Variants in SEMA4B observed in about 807,000 individuals in gnomAD.
The protein encoded by SEMA4B is semaphorin 4B.
Under a neutral mutation model 88.1 loss-of-function variants are expected in SEMA4B, and 55 were observed. The observed-to-expected ratio is 0.62, with a 90% CI of 0.50 to 0.78. The LOEUF (loss-of-function observed/expected upper bound fraction) is 0.78. Among genes scored for constraint, SEMA4B ranks in the 30% least tolerant of loss-of-function variants. The probability of loss-of-function intolerance (pLI) is 0.00; values close to 1 mark genes in which losing one functional copy is unlikely to be tolerated. For synonymous variants in SEMA4B, 525 were observed against 473.6 expected (o/e 1.11, Z -1.41); for missense variants, 1,062 against 1,111.9 (o/e 0.96, Z 0.64).
At chr15:90,206,274 C>A (rs1190114601) in intron 1 of SEMA4B, among the ~76,000 whole-genome samples, 1 of 152,174 alleles carries the variant, frequency 6.6e-6, no homozygotes, top group Non-Finnish European at 1.5e-5. Flanking sequence ...GGGATCGGGG[C>A]AACAGGAACA....
chr15:90,224,643 G>C (rs1107461), intron 9 of SEMA4B, among the ~76,000 whole-genome samples: 16,385 of 152,252 alleles, frequency 0.11, 1,017 homozygotes, highest in Admixed American at 0.19. Context: ...TGCCCGGCCA[G>C]GGCTTCCTGA....
At chr15:90,195,324 T>C (rs1960466497) in intron 1 of SEMA4B, among the ~76,000 whole-genome samples, 1 of 152,068 alleles carries the variant, frequency 6.6e-6, no homozygotes, top group Non-Finnish European at 1.5e-5. Flanking sequence ...ACTTCTGGGC[T>C]CAAGTGATCC....
chr15:90,225,368 G>A lies in SEMA4B; in HGVS notation c.1492G>A (p.Val498Met), dbSNP rs372649392. ...ELQIFSSGQP[V>M]QNLLLDTHRG... The stretch of plus-strand genomic sequence containing the variant: ...GCAGATCTTCTCATCGGGACAGCCC[G>A]TGCAGAATCTGCTCCTGGACACCCA... The change falls in exon 11 of 14, where the codon GTG becomes ATG. Residue 498 changes from valine (V) to methionine (M), a missense_variant. Physicochemically the swap from Val to Met is conservative, Grantham distance 21 (BLOSUM62 1). Transcript: ENST00000411539. 36 of 1,553,036 alleles carry A rather than the reference G, an allele frequency of 2.3e-5. No individual in the cohort carries two copies. Among genetic ancestry groups the A allele is most frequent in the Admixed American group, 7.8e-5 (4 of 51,240 alleles).
intron 6 of SEMA4B, 62 bp from the exon 7 acceptor site, chr15:90,221,552 C>T: frequency 4.4e-6 from 7 of 1,608,148 alleles, no homozygotes; most frequent in Non-Finnish European, 6.0e-6. Flanking sequence ...GCACTTTCCC[C>T]CAGCTTGGCC....
At chr15:90,223,537 G>A in intron 7 of SEMA4B, 22 bp from the exon 8 acceptor site, 2 of 1,553,314 alleles carry the variant, frequency 1.3e-6, no homozygotes, top group South Asian at 2.4e-5. Context: ...CCTAAGCCCA[G>A]CCCATCCGAC....
chr15:90,222,956 A>G (rs368972439), intron 7 of SEMA4B, among the ~76,000 whole-genome samples: 12 of 123,162 alleles, frequency 9.7e-5, no homozygotes, highest in African/African-American at 2.2e-4. Flanking sequence ...AACTCTGTGT[A>G]TATATATATA....
chr15:90,210,349 A>G (rs1213255437), intron 1 of SEMA4B, among the ~76,000 whole-genome samples: 1 of 152,190 alleles, frequency 6.6e-6, no homozygotes, highest in Non-Finnish European at 1.5e-5. Context: ...GGGGATCGCC[A>G]GCATCCGCGT....
At position 90,221,130 on chromosome 15, in the gene SEMA4B, C is replaced by T; in HGVS notation, c.595+37C>T. 3 of 1,413,546 alleles carry T rather than the reference C, an allele frequency of 2.1e-6. No individual in the cohort carries two copies. The South Asian group carries it at 3.7e-5, about 17-fold the overall frequency. 87.6% of individuals were successfully genotyped at this position (1,413,546 alleles called of 1,614,324 possible). A position where few individuals can be genotyped will look rare whatever the true frequency, so the allele number is the denominator to read the frequency against. On this transcript the variant is annotated intron_variant, in intron 5 of 13. Coordinates refer to ENST00000411539, the MANE Select transcript of SEMA4B (RefSeq NM_198925.4). Reference sequence around the variant, plus strand: ...GGGCAGGATGGCTTCATTGAGGTTCCATGTAGGGGCACACAGGGCTAGAGG... The same window carrying T: ...GGGCAGGATGGCTTCATTGAGGTTCTATGTAGGGGCACACAGGGCTAGAGG...
intron 3 of SEMA4B, among the ~76,000 whole-genome samples, chr15:90,218,659 A>G (rs941497590): frequency 1.3e-5 from 2 of 152,144 alleles, no homozygotes; most frequent in African/African-American, 2.4e-5. Context: ...CTAAAAATAC[A>G]AAAAACATTA....
chr15:90,224,073 C>T (rs933057126), intron 9 of SEMA4B, 85 bp downstream of exon 9: 12 of 1,335,544 alleles, frequency 9.0e-6, no homozygotes, highest in African/African-American at 5.9e-5. Context: ...TGCCTAGCCT[C>T]GGGCAGATCA....
Position 90,201,654 on chromosome 15 carries a change from C to T in SEMA4B, c.76C>T (p.Leu26=), listed in dbSNP as rs1264115522. 6.6e-7 allele frequency: 1 copy of T among 1,516,388 alleles called. No individual in the cohort carries two copies. The allele number at this position is 1,516,388 out of a possible 1,614,324, so 93.9% of individuals were successfully genotyped here. Residue 26 remains leucine, a synonymous_variant, in exon 1 of 14, where the codon CTG becomes TTG. Transcript: ENST00000411539. Reference sequence around the variant, plus strand: ...CGCGCTGCCGCCTCGGCCACCGCTGCTGCTGCTCCTGCTGCTGCTGCTCCT... The same window carrying T: ...CGCGCTGCCGCCTCGGCCACCGCTGTTGCTGCTCCTGCTGCTGCTGCTCCT... ...WGALPPRPPL[L]LLLLLLLLLQ...
At chr15:90,185,814 A>G (rs943779702) in intron 1 of SEMA4B, among the ~76,000 whole-genome samples, 2 of 151,362 alleles carry the variant, frequency 1.3e-5, no homozygotes, top group African/African-American at 2.4e-5. Context: ...ATCCCCCCTC[A>G]TTTTCATAAG....
upstream of SEMA4B, among the ~76,000 whole-genome samples, chr15:90,198,137 T>C (rs1235112655): frequency 6.6e-6 from 1 of 151,712 alleles, no homozygotes; most frequent in Non-Finnish European, 1.5e-5. Flanking sequence ...CACCATGGTC[T>C]CGATCTCCTG....
rs1019739546 is a variant in SEMA4B at position 90,219,943 on chromosome 15, C to T, written c.483+52C>T. 17 of 1,378,134 alleles carry T rather than the reference C, an allele frequency of 1.2e-5. No homozygotes were observed. The African/African-American group carries it at 2.1e-4, about 17-fold the overall frequency. The allele number at this position is 1,378,134 out of a possible 1,614,324, so 85.4% of individuals were successfully genotyped here. A position where few individuals can be genotyped will look rare whatever the true frequency, so the allele number is the denominator to read the frequency against. ...GCTGACCTGGGAACTGCCCCTCTTT[C>T]TGCCCCAGGGATCCTGTTCTGTAGC... On this transcript the variant is annotated intron_variant, in intron 4 of 13. Coordinates refer to ENST00000411539, the MANE Select transcript of SEMA4B (RefSeq NM_198925.4).
intron 1 of SEMA4B, among the ~76,000 whole-genome samples, chr15:90,214,395 T>C (rs970952857): frequency 1.3e-5 from 2 of 150,044 alleles, no homozygotes; most frequent in Admixed American, 6.6e-5. Flanking sequence ...CCCAGCACTT[T>C]GGGAGGCCGA....
Position 90,225,371 on chromosome 15 carries a change from C to G in SEMA4B, c.1495C>G (p.Gln499Glu). The G allele has an allele frequency of 6.4e-7, 1 of 1,552,692 alleles. No homozygotes were observed. Among genetic ancestry groups the G allele is most frequent in the East Asian group, 2.4e-5 (1 of 41,146 alleles). ...LQIFSSGQPV[Q>E]NLLLDTHRGL... Reference sequence around the variant, plus strand: ...GATCTTCTCATCGGGACAGCCCGTGCAGAATCTGCTCCTGGACACCCACAG... The same window carrying G: ...GATCTTCTCATCGGGACAGCCCGTGGAGAATCTGCTCCTGGACACCCACAG... The change falls in exon 11 of 14, where the codon CAG becomes GAG. Residue 499 changes from glutamine (Q) to glutamate (E), a missense_variant. By Grantham distance (29) the Gln-to-Glu change is conservative (BLOSUM62 2). Coordinates refer to ENST00000411539, the MANE Select transcript of SEMA4B (RefSeq NM_198925.4).
At chr15:90,214,060 G>T (rs990965917) in intron 1 of SEMA4B, among the ~76,000 whole-genome samples, 1 of 152,154 alleles carries the variant, frequency 6.6e-6, no homozygotes, top group African/African-American at 2.4e-5. Flanking sequence ...GCTGAGCTTC[G>T]GCTGGGCGCG....
chr15:90,227,680 G>T, intron 13 of SEMA4B, 38 bp downstream of exon 13: 6 of 1,603,360 alleles, frequency 3.7e-6, no homozygotes, highest in Non-Finnish European at 5.1e-6. Flanking sequence ...AGAGAGGTGG[G>T]GACAAGTGTG....
chr15:90,206,198 C>A (rs937995052), intron 1 of SEMA4B, among the ~76,000 whole-genome samples: 2 of 152,222 alleles, frequency 1.3e-5, no homozygotes, highest in African/African-American at 4.8e-5. Flanking sequence ...TGTTGCCTCT[C>A]ACTCCACCCC....
Sources: gnomAD v4.1 joint callset for allele counts (sites outside exome capture counted in the v4.1 genomes callset) on GRCh38, gnomAD v4.1.1 for gene constraint, MANE v1.5 for transcripts, NCBI Gene and HGNC (gene_info 2026-07-23, HGNC 2026-07-21) for gene names.